Variants in CTNNAL1 observed in about 807,000 individuals in gnomAD.
CTNNAL1 encodes the protein alpha-catulin.
CTNNAL1 carries 69 observed loss-of-function variants against 93.6 expected under a neutral mutation model. That is an observed-to-expected ratio of 0.74 (90% CI 0.61 to 0.90). CTNNAL1 has a LOEUF of 0.90. CTNNAL1 is among the 40% of genes least tolerant of loss of function. The probability of loss-of-function intolerance (pLI) is 0.00; values close to 1 mark genes in which losing one functional copy is unlikely to be tolerated. For missense variants in CTNNAL1, 836 were observed against 862.0 expected (o/e 0.97, Z 0.38); for synonymous variants, 286 against 305.4 (o/e 0.94, Z 0.66).
chr9:108,995,778 T>C (rs1482773109), intron 2 of CTNNAL1, among the ~76,000 whole-genome samples: 1 of 152,178 alleles, frequency 6.6e-6, no homozygotes, highest in Non-Finnish European at 1.5e-5. Flanking sequence ...CTAATATTTA[T>C]TGAGCACTTA....
At chr9:108,943,907 A>C in intron 16 of CTNNAL1, 55 bp downstream of exon 16, 2 of 1,601,504 alleles carry the variant, frequency 1.2e-6, no homozygotes, top group Non-Finnish European at 1.7e-6. Context: ...TTATACCCCC[A>C]AAGTAGGTTA....
intron 8 of CTNNAL1, 31 bp from the exon 9 acceptor site, chr9:108,972,864 G>GGGGGCCGCCCCCCCCCCCC: frequency 7.0e-6 from 1 of 142,590 alleles, no homozygotes; most frequent in Non-Finnish European, 1.0e-5. Context: ...GGGGGGGTGG[G>GGGGGCCGCCCCCCCCCCCC]AGGGTGGAGA....
chr9:108,990,213 T>C (rs1045214358), intron 4 of CTNNAL1, among the ~76,000 whole-genome samples: 2 of 152,202 alleles, frequency 1.3e-5, no homozygotes, highest in African/African-American at 4.8e-5. Flanking sequence ...AAAACAGTAG[T>C]TAACAATACC....
At chr9:108,990,575 T>G (rs1831760523) in intron 4 of CTNNAL1, 151 bp downstream of exon 4, 3 of 888,152 alleles carry the variant, frequency 3.4e-6, no homozygotes, top group Non-Finnish European at 4.9e-6. Context: ...CTACTTACTT[T>G]ATCCTGGCTT....
intron 8 of CTNNAL1, among the ~76,000 whole-genome samples, chr9:108,974,260 T>A (rs532356737): frequency 1.6e-3 from 245 of 152,354 alleles, no homozygotes; most frequent in Non-Finnish European, 2.9e-3. Flanking sequence ...GCCACTCAGT[T>A]TATCACAAGG....
intron 3 of CTNNAL1, chr9:108,992,042 T>C (rs1303685455): frequency 5.2e-6 from 4 of 765,524 alleles, no homozygotes; most frequent in Admixed American, 1.7e-5. Context: ...GATTTAACTG[T>C]GTCTTAAGTT....
intron 14 of CTNNAL1, among the ~76,000 whole-genome samples, chr9:108,949,796 A>G (rs1003495578): frequency 1.3e-5 from 2 of 152,316 alleles, no homozygotes; most frequent in South Asian, 2.1e-4. Context: ...GTGAGCCGAG[A>G]TTGCACCACT....
chr9:108,991,871 C>A (rs1432176805), intron 3 of CTNNAL1: 4 of 570,590 alleles, frequency 7.0e-6, no homozygotes, highest in African/African-American at 5.8e-5. Flanking sequence ...TCGTACATAC[C>A]CTGGATTCCC....
intron 11 of CTNNAL1, 56 bp downstream of exon 11, chr9:108,965,322 C>CT: frequency 7.7e-7 from 1 of 1,302,098 alleles, no homozygotes; most frequent in African/African-American, 1.5e-5. Flanking sequence ...CATTAAAAAA[C>CT]TAACAAGAGT....
intron 1 of CTNNAL1, among the ~76,000 whole-genome samples, chr9:109,010,481 T>C (rs1280766428): frequency 6.6e-6 from 1 of 152,222 alleles, no homozygotes; most frequent in South Asian, 2.1e-4. Context: ...AAGGAAATGT[T>C]TATTTTAAAT....
intron 12 of CTNNAL1, 142 bp from the exon 13 acceptor site, chr9:108,952,636 A>T: frequency 9.4e-7 from 1 of 1,064,620 alleles, no homozygotes; most frequent in South Asian, 1.6e-5. Context: ...TATTTTACCA[A>T]TTGCAAGTAC....
intron 1 of CTNNAL1, among the ~76,000 whole-genome samples, chr9:109,005,365 T>C (rs1475178032): frequency 6.6e-6 from 1 of 152,148 alleles, no homozygotes; most frequent in Admixed American, 6.5e-5. Flanking sequence ...GATTGAATGT[T>C]TGTGTCCCAT....
intron 11 of CTNNAL1, among the ~76,000 whole-genome samples, chr9:108,964,296 A>G (rs180956008): frequency 1.3e-3 from 196 of 152,308 alleles, no homozygotes; most frequent in African/African-American, 4.5e-3. Flanking sequence ...TTTATCCTAA[A>G]TGAGTATTTT....
At chr9:109,010,680 T>A (rs1182204562) in intron 1 of CTNNAL1, among the ~76,000 whole-genome samples, 1 of 152,226 alleles carries the variant, frequency 6.6e-6, no homozygotes, top group Non-Finnish European at 1.5e-5. Flanking sequence ...AAAAAAACTA[T>A]ACACATTTTT....
chr9:108,983,530 C>A (rs1399717480), intron 5 of CTNNAL1, among the ~76,000 whole-genome samples: 5 of 152,082 alleles, frequency 3.3e-5, no homozygotes, highest in African/African-American at 1.2e-4. Flanking sequence ...CAAAACTATA[C>A]CTTTATACTT....
intron 7 of CTNNAL1, among the ~76,000 whole-genome samples, chr9:108,977,729 T>A (rs948770460): frequency 6.6e-6 from 1 of 152,196 alleles, no homozygotes; most frequent in Non-Finnish European, 1.5e-5. Flanking sequence ...CTTTGCATGA[T>A]AAATAAAAAT....
At chr9:108,970,746 G>T (rs1248976255) in intron 9 of CTNNAL1, among the ~76,000 whole-genome samples, 1 of 151,878 alleles carries the variant, frequency 6.6e-6, no homozygotes, top group African/African-American at 2.4e-5. Context: ...GGTGGTTACA[G>T]AATATTAAAA....
At chr9:109,011,808 G>A (rs1827210708) in intron 1 of CTNNAL1, among the ~76,000 whole-genome samples, 1 of 152,226 alleles carries the variant, frequency 6.6e-6, no homozygotes, top group Non-Finnish European at 1.5e-5. Flanking sequence ...TGATTGTTAT[G>A]AGAATTAATG....
chr9:109,008,152 C>CTTTTTT (rs149753320), intron 1 of CTNNAL1, among the ~76,000 whole-genome samples: 163 of 85,278 alleles, frequency 1.9e-3, no homozygotes, highest in Non-Finnish European at 2.4e-3. Context: ...ATCCATCTTT[C>CTTTTTT]TTTTTTTTTT....
Sources: gnomAD v4.1 joint callset for allele counts (sites outside exome capture counted in the v4.1 genomes callset) on GRCh38, gnomAD v4.1.1 for gene constraint, MANE v1.5 for transcripts, NCBI Gene and HGNC (gene_info 2026-07-23, HGNC 2026-07-21) for gene names.